BBS12: variants seen among roughly 807,000 people sequenced by gnomAD.
BBS12 encodes the protein chaperonin-containing T-complex member BBS12.
Under a neutral mutation model 5.6 loss-of-function variants are expected in BBS12, and 5 were observed. That is an observed-to-expected ratio of 0.89 (90% CI 0.46 to 1.86). BBS12 has a LOEUF of 1.86. Among genes scored for constraint, BBS12 ranks in the 40% most tolerant of loss-of-function variants. The pLI is 0.01. For missense variants in BBS12, 748 were observed against 830.4 expected, an observed-to-expected ratio of 0.90 and a Z score of 1.22; for synonymous variants, 308 against 306.8, an observed-to-expected ratio of 1.00 and a Z score of -0.04.
chr4:122,730,258 A>G (rs551252312), upstream of BBS12: 1 of 152,214 alleles, frequency 6.6e-6, no homozygotes, highest in Non-Finnish European at 1.5e-5. Context: ...ACTTCATCAA[A>G]CTTTAAAATT....
At position 122,742,439 on chromosome 4, in the gene BBS12, A is replaced by G; in HGVS notation, c.547A>G (p.Thr183Ala). ...LHGLKDVASQ[T>A]LTISNLSGRP... Reference sequence around the variant, plus strand: ...TGGTCTCAAAGATGTTGCCTCTCAAACACTGACCATTTCCAACCTTTCTGG... The same window carrying G: ...TGGTCTCAAAGATGTTGCCTCTCAAGCACTGACCATTTCCAACCTTTCTGG... Residue 183 changes from threonine (T) to alanine (A), a missense_variant, in exon 2 of 2, where the codon ACA becomes GCA. Coordinates refer to ENST00000314218, the MANE Select transcript of BBS12 (RefSeq NM_152618.3). The G allele has an allele frequency of 6.2e-7, 1 of 1,614,226 alleles. No individual in the cohort carries two copies. The highest frequency in any genetic ancestry group is 8.5e-7 in the Non-Finnish European group (1 of 1,180,034).
chr4:122,706,714 T>C, the BBS12 span, among the ~76,000 whole-genome samples: 12 of 152,220 alleles, frequency 7.9e-5, no homozygotes, highest in African/African-American at 2.7e-4. Flanking sequence ...GACTCTCATT[T>C]CGCAATGACT....
chr4:122,701,425 A>C, the BBS12 span, among the ~76,000 whole-genome samples: 1 of 91,738 alleles, frequency 1.1e-5, no homozygotes, highest in East Asian at 6.8e-4. Flanking sequence ...TTACGGATTC[A>C]AGGAGAAAAA....
At chr4:122,731,834 C>G (rs1800700045), upstream of BBS12, 1 of 152,238 alleles carries the variant, frequency 6.6e-6, no homozygotes, top group African/African-American at 2.4e-5. Context: ...ACTGTGCCAT[C>G]ATGTACATCA....
In BBS12 at chr4:122,744,350, A is replaced by G; in HGVS notation, c.*325A>G. On this transcript the variant is annotated 3_prime_UTR_variant, in exon 2 of 2. Coordinates refer to ENST00000314218, the MANE Select transcript of BBS12 (RefSeq NM_152618.3). ...CATTTTTCTAGTTCCCACAGGAGGA[A>G]CACAAAGGGCCCATGATGAAAGCCT... 1 of 293,284 alleles carries G rather than the reference A, an allele frequency of 3.4e-6. No individual in the cohort carries two copies. The highest frequency in any genetic ancestry group is 6.8e-6 in the Non-Finnish European group (1 of 146,068). 18.2% of individuals were successfully genotyped at this position (293,284 alleles called of 1,614,324 possible).
Position 122,743,538 on chromosome 4 carries a change from G to T in BBS12, c.1646G>T (p.Cys549Phe). ...GCAGTTGAATTTTTGTGTCTTAGCT[G>T]TCTTCATATTCTTGCAGAGCAATCT... The part of the protein sequence containing the change: ...GGAVEFLCLS[C>F]LHILAEQSLK... The change falls in exon 2 of 2, where the codon TGT becomes TTT. Residue 549 changes from cysteine (C) to phenylalanine (F), a missense_variant. By Grantham distance (205) the Cys-to-Phe change is radical. Coordinates refer to ENST00000314218, the MANE Select transcript of BBS12 (RefSeq NM_152618.3). 1 of 1,614,170 alleles carries T rather than the reference G, an allele frequency of 6.2e-7. No individual in the cohort carries two copies. Among genetic ancestry groups the T allele is most frequent in the Non-Finnish European group, 8.5e-7 (1 of 1,180,024 alleles).
chr4:122,730,602 C>T (rs913554297), upstream of BBS12: 2 of 152,208 alleles, frequency 1.3e-5, no homozygotes, highest in African/African-American at 4.8e-5. Flanking sequence ...TTTATTTCTC[C>T]ATCTCTATCA....
At chr4:122,703,504 T>C in the BBS12 span, among the ~76,000 whole-genome samples, 5 of 152,194 alleles carry the variant, frequency 3.3e-5, no homozygotes. Context: ...ATGGTGCCAC[T>C]GCACTCCAGC....
chr4:122,736,705 G>A (rs1560703942), intron 1 of BBS12, among the ~76,000 whole-genome samples: 1 of 152,172 alleles, frequency 6.6e-6, no homozygotes, highest in Non-Finnish European at 1.5e-5. Context: ...ATGCCAAGAA[G>A]AGTTGCCAGA....
At chr4:122,700,546 G>A in the BBS12 span, among the ~76,000 whole-genome samples, 1 of 152,230 alleles carries the variant, frequency 6.6e-6, no homozygotes, top group Non-Finnish European at 1.5e-5. Flanking sequence ...TCCGGATTCT[G>A]TTGTCCTTTG....
the BBS12 span, among the ~76,000 whole-genome samples, chr4:122,711,433 A>G: frequency 1.7e-4 from 26 of 152,270 alleles, no homozygotes; most frequent in South Asian, 4.2e-3. Flanking sequence ...ATCACAGACA[A>G]TTTGGAGCTT....
chr4:122,701,266 T>C, the BBS12 span, among the ~76,000 whole-genome samples: 3 of 152,174 alleles, frequency 2.0e-5, no homozygotes, highest in Admixed American at 1.3e-4. Context: ...TTTCTGGTAA[T>C]AATAACACCT....
chr4:122,712,556 C>A, the BBS12 span, among the ~76,000 whole-genome samples: 255 of 152,286 alleles, frequency 1.7e-3, 4 homozygotes, highest in African/African-American at 5.9e-3. Flanking sequence ...AATTTGTAGA[C>A]CACAGTCACT....
At chr4:122,711,275 G>A in the BBS12 span, among the ~76,000 whole-genome samples, 2 of 152,038 alleles carry the variant, frequency 1.3e-5, no homozygotes, top group South Asian at 2.1e-4. Context: ...CTAACCTGGA[G>A]GAGAGAGGGT....
At chr4:122,702,594 G>A in the BBS12 span, among the ~76,000 whole-genome samples, 6 of 152,186 alleles carry the variant, frequency 3.9e-5, no homozygotes, top group Non-Finnish European at 5.9e-5. Context: ...CAGGCTAAAT[G>A]CCATCAACTG....
the BBS12 span, among the ~76,000 whole-genome samples, chr4:122,710,631 T>C: frequency 6.6e-6 from 1 of 151,612 alleles, no homozygotes; most frequent in Non-Finnish European, 1.5e-5. Context: ...CAGGGGACAG[T>C]GAAGGGGAAA....
chr4:122,726,965 G>C, the BBS12 span, among the ~76,000 whole-genome samples: 56 of 152,280 alleles, frequency 3.7e-4, no homozygotes, highest in South Asian at 1.7e-3. Context: ...AAGTGTGGGA[G>C]GGGGTGAGAA....
the BBS12 span, among the ~76,000 whole-genome samples, chr4:122,702,203 C>T: frequency 1.3e-5 from 2 of 152,228 alleles, no homozygotes; most frequent in African/African-American, 2.4e-5. Flanking sequence ...TCAGCACCCA[C>T]AGTAGCTGGA....
At chr4:122,734,787 A>G (rs1257959063) in intron 1 of BBS12, among the ~76,000 whole-genome samples, 2 of 152,134 alleles carry the variant, frequency 1.3e-5, no homozygotes, top group Non-Finnish European at 2.9e-5. Flanking sequence ...ATGTTTTTTT[A>G]ATTGTAGGCT....
Sources: allele counts gnomAD v4.1 joint callset (sites outside exome capture counted in the v4.1 genomes callset), GRCh38; gene constraint gnomAD v4.1.1; transcripts MANE v1.5; gene names NCBI Gene and HGNC (gene_info 2026-07-23, HGNC 2026-07-21).